SLC12A8: variants seen among roughly 807,000 people sequenced by gnomAD.
SLC12A8 encodes solute carrier family 12 member 8, also known as cation-chloride cotransporter 9.
SLC12A8 carries 69 observed loss-of-function variants against 75.6 expected under a neutral mutation model. That is an observed-to-expected ratio of 0.91 (90% CI 0.75 to 1.11). The LOEUF (loss-of-function observed/expected upper bound fraction) is 1.11. SLC12A8 is among the 50% of genes most tolerant of loss of function. The pLI, the probability that SLC12A8 is intolerant of heterozygous loss-of-function variation, is 0.00. For missense variants in SLC12A8, 877 were observed against 896.7 expected, an observed-to-expected ratio of 0.98 and a Z score of 0.28; for synonymous variants, 365 against 372.8, an observed-to-expected ratio of 0.98 and a Z score of 0.24.
chr3:125,160,599 C>T (rs1934145448), intron 5 of SLC12A8, among the ~76,000 whole-genome samples: 1 of 152,178 alleles, frequency 6.6e-6, no homozygotes, highest in African/African-American at 2.4e-5. Context: ...CCACTGGTTG[C>T]AAATGCGAGT....
At chr3:125,208,718 C>CCAGCTGG (rs1266137911) in intron 2 of SLC12A8, among the ~76,000 whole-genome samples, 1 of 146,546 alleles carries the variant, frequency 6.8e-6, no homozygotes, top group African/African-American at 2.5e-5. Flanking sequence ...CAGCTCCTTC[C>CCAGCTGG]CAGCTGGTTC....
chr3:125,148,156 T>C (rs998301371), intron 5 of SLC12A8, among the ~76,000 whole-genome samples: 1 of 152,210 alleles, frequency 6.6e-6, no homozygotes, highest in Non-Finnish European at 1.5e-5. Flanking sequence ...CTGTAGTATA[T>C]GTGATGCAAT....
chr3:125,122,271 T>A (rs1244332098), intron 6 of SLC12A8, among the ~76,000 whole-genome samples: 3 of 152,200 alleles, frequency 2.0e-5, no homozygotes, highest in Admixed American at 1.3e-4. Flanking sequence ...ACAGGTCATT[T>A]TTATTTGACT....
At chr3:125,089,051 T>C (rs1429136760) in intron 12 of SLC12A8, among the ~76,000 whole-genome samples, 1 of 152,204 alleles carries the variant, frequency 6.6e-6, no homozygotes, top group Non-Finnish European at 1.5e-5. Context: ...ACAAATCAAA[T>C]GTGATTTTAG....
chr3:125,134,242 C>T (rs762104165), intron 6 of SLC12A8, among the ~76,000 whole-genome samples: 5 of 149,830 alleles, frequency 3.3e-5, no homozygotes, highest in Non-Finnish European at 5.9e-5. Context: ...GCTGGAACTA[C>T]AGGCATGCAC....
chr3:125,152,393 C>G (rs908427486), intron 5 of SLC12A8, among the ~76,000 whole-genome samples: 18 of 152,178 alleles, frequency 1.2e-4, no homozygotes, highest in African/African-American at 4.3e-4. Context: ...TACAGATTTA[C>G]TGTTTGAATT....
intron 5 of SLC12A8, among the ~76,000 whole-genome samples, chr3:125,167,882 C>T (rs562103356): frequency 1.4e-4 from 22 of 152,318 alleles, no homozygotes; most frequent in African/African-American, 4.8e-4. Context: ...GAGATACAAC[C>T]AAATGGGAAA....
At chr3:125,179,469 G>A (rs553768010) in intron 4 of SLC12A8, among the ~76,000 whole-genome samples, 4 of 152,298 alleles carry the variant, frequency 2.6e-5, no homozygotes, top group South Asian at 4.1e-4. Flanking sequence ...CAGCCATTTT[G>A]TGTAAAGGCA....
chr3:125,087,004 A>G (rs1938474780), intron 13 of SLC12A8, among the ~76,000 whole-genome samples: 1 of 152,204 alleles, frequency 6.6e-6, no homozygotes, highest in Non-Finnish European at 1.5e-5. Flanking sequence ...TGATGATAGC[A>G]CAGCAACGTG....
At chr3:125,119,379 CT>C (rs1217383648) in intron 7 of SLC12A8, among the ~76,000 whole-genome samples, 1 of 152,232 alleles carries the variant, frequency 6.6e-6, no homozygotes, top group Non-Finnish European at 1.5e-5. Context: ...CCTCTAAGTC[CT>C]GCTGGTCTGT....
At chr3:125,113,483 G>A (rs1201392036) in intron 8 of SLC12A8, among the ~76,000 whole-genome samples, 2 of 151,730 alleles carry the variant, frequency 1.3e-5, no homozygotes, top group African/African-American at 4.8e-5. Flanking sequence ...ATCCATTCAG[G>A]AAGCATTTCC....
intron 5 of SLC12A8, among the ~76,000 whole-genome samples, chr3:125,163,948 G>A (rs895620304): frequency 6.6e-6 from 1 of 152,238 alleles, no homozygotes; most frequent in African/African-American, 2.4e-5. Context: ...CCTGACGTGG[G>A]ACTTGAGTTT....
At chr3:125,149,833 A>G (rs1933874809) in intron 5 of SLC12A8, among the ~76,000 whole-genome samples, 2 of 152,192 alleles carry the variant, frequency 1.3e-5, no homozygotes, top group African/African-American at 4.8e-5. Context: ...AGGCACAAAG[A>G]AAAGAGGAGG....
chr3:125,173,738 A>T (rs1326881134), intron 5 of SLC12A8, among the ~76,000 whole-genome samples: 1 of 152,196 alleles, frequency 6.6e-6, no homozygotes, highest in Non-Finnish European at 1.5e-5. Flanking sequence ...GGGGAGAAAA[A>T]ATTTGCAAAA....
intron 5 of SLC12A8, chr3:125,151,550 G>A (rs543371364): frequency 9.7e-5 from 15 of 154,032 alleles, no homozygotes; most frequent in Admixed American, 9.2e-4. Context: ...TCTGATCTGG[G>A]ATTGTGAGGG....
intron 5 of SLC12A8, among the ~76,000 whole-genome samples, chr3:125,164,489 G>A (rs1934244977): frequency 6.6e-6 from 1 of 152,226 alleles, no homozygotes; most frequent in South Asian, 2.1e-4. Flanking sequence ...GCAGGTGTTT[G>A]CTGTACTTGT....
At chr3:125,205,747 A>G (rs1167168920) in intron 2 of SLC12A8, among the ~76,000 whole-genome samples, 1 of 152,206 alleles carries the variant, frequency 6.6e-6, no homozygotes, top group African/African-American at 2.4e-5. Flanking sequence ...AGGACGCATC[A>G]TTTGGCATTT....
chr3:125,083,971 C>G lies in SLC12A8; in HGVS notation c.2064G>C (p.Gln688His), dbSNP rs1938394238. ...KVDMEMTQLT[Q>H]ENADFATRDR... is the part of the protein sequence containing the mutation. ...CCCGAGTGGCGAAGTCTGCATTCTC[C>G]TGGGTGAGCTGAGTCATCTCCATGT... The change falls in exon 14 of 14, where the codon CAG becomes CAC. Residue 688 changes from glutamine (Q) to histidine (H), a missense_variant. Physicochemically the swap from Gln to His is conservative, Grantham distance 24 (BLOSUM62 0). Transcript: ENST00000469902. 6.2e-7 allele frequency: 1 copy of G among 1,613,648 alleles called. No homozygotes were observed. Among genetic ancestry groups the G allele is most frequent in the Non-Finnish European group, 8.5e-7 (1 of 1,179,890 alleles).
chr3:125,148,382 C>T (rs1487994539), intron 5 of SLC12A8, among the ~76,000 whole-genome samples: 1 of 152,116 alleles, frequency 6.6e-6, no homozygotes, highest in Admixed American at 6.5e-5. Context: ...AAGGTGCATG[C>T]CTCAGTCCCC....
Sources: gnomAD v4.1 joint callset for allele counts (sites outside exome capture counted in the v4.1 genomes callset) on GRCh38, gnomAD v4.1.1 for gene constraint, MANE v1.5 for transcripts, NCBI Gene and HGNC (gene_info 2026-07-23, HGNC 2026-07-21) for gene names.